The following OPN3 variants were observed in gnomAD, a reference collection of about 807,000 sequenced individuals.
OPN3 encodes opsin-3.
In OPN3, 29 loss-of-function variants were observed where a neutral mutation model predicts 33.8. That is an observed-to-expected ratio of 0.86 (90% CI 0.64 to 1.17). The LOEUF (loss-of-function observed/expected upper bound fraction) is 1.17. Ranked by LOEUF, OPN3 falls within the 50% of genes most tolerant of loss-of-function variation. The probability of loss-of-function intolerance (pLI) is 0.00; values close to 1 mark genes in which losing one functional copy is unlikely to be tolerated. For synonymous variants in OPN3, 216 were observed against 216.1 expected, an observed-to-expected ratio of 1.00 and a Z score of 0.00; for missense variants, 437 against 514.1, an observed-to-expected ratio of 0.85 and a Z score of 1.45.
chr1:241,615,927 C>A (rs1053857260), intron 1 of OPN3: 22 of 456,606 alleles, frequency 4.8e-5, no homozygotes, highest in Non-Finnish European at 7.0e-5. Context: ...CTGAAGCTGG[C>A]TGATCCAACC....
At chr1:241,615,205 T>TAAA (rs56262278) in intron 1 of OPN3, among the ~76,000 whole-genome samples, 2 of 113,982 alleles carry the variant, frequency 1.8e-5, no homozygotes, top group African/African-American at 3.4e-5. Context: ...GGCCAAAGTC[T>TAAA]AAAAAAAAAA....
At chr1:241,596,663 G>T (rs1345498095) in intron 3 of OPN3, among the ~76,000 whole-genome samples, 1 of 152,184 alleles carries the variant, frequency 6.6e-6, no homozygotes, top group Admixed American at 6.5e-5. Flanking sequence ...ATTATGACCT[G>T]TTATCTTTAA....
chr1:241,610,709 G>A (rs568552055), intron 1 of OPN3, among the ~76,000 whole-genome samples: 1 of 152,314 alleles, frequency 6.6e-6, no homozygotes, highest in African/African-American at 2.4e-5. Flanking sequence ...ATAAAACAAT[G>A]TGATAAATTC....
intron 1 of OPN3, among the ~76,000 whole-genome samples, chr1:241,622,197 C>G (rs190581527): frequency 3.9e-5 from 6 of 152,162 alleles, no homozygotes; most frequent in Admixed American, 1.3e-4. Context: ...GGAGTTGAGA[C>G]AAAAATAGAG....
At chr1:241,603,219 T>C (rs1280777740) in intron 2 of OPN3, among the ~76,000 whole-genome samples, 2 of 151,812 alleles carry the variant, frequency 1.3e-5, no homozygotes, top group Non-Finnish European at 2.9e-5. Context: ...GAAGAGAGAG[T>C]CCTAAGAATC....
chr1:241,615,218 A>AT (rs1489282364), intron 1 of OPN3, among the ~76,000 whole-genome samples: 1 of 152,118 alleles, frequency 6.6e-6, no homozygotes, highest in East Asian at 1.9e-4. Flanking sequence ...AAAAAAAAAA[A>AT]AAAAAACAGT....
intron 2 of OPN3, among the ~76,000 whole-genome samples, chr1:241,603,475 T>G (rs931191965): frequency 6.6e-6 from 1 of 151,832 alleles, no homozygotes; most frequent in Non-Finnish European, 1.5e-5. Flanking sequence ...GTGTTTTGTT[T>G]TTTTTTTTCC....
chr1:241,600,187 T>C lies in OPN3; in HGVS notation c.694-2190A>G, dbSNP rs933154132. 5.2e-5 allele frequency among the ~76,000 whole-genome samples: 8 copies of C among 152,384 alleles called. No individual in the cohort carries two copies. The South Asian group carries it at 1.7e-3, about 32-fold the overall frequency. On this transcript the variant is annotated intron_variant, in intron 2 of 3. Transcript: ENST00000366554. ...ATTAATTTAAATAAATGTTTGTCTA[T>C]ACATCCCCAGTTCCTCTTTGGGATA...
chr1:241,635,737 A>G lies in OPN3; in HGVS notation c.373+4145T>C, dbSNP rs3765825. Reference sequence around the variant, plus strand: ...GCAAACCTGTCCCTATTATAACCACATCAAACTCTGTGGGAAGATTGTCCG... The same window carrying G: ...GCAAACCTGTCCCTATTATAACCACGTCAAACTCTGTGGGAAGATTGTCCG... On this transcript the variant is annotated intron_variant, in intron 1 of 3. Transcript: ENST00000366554. 3.8e-4 allele frequency: 611 copies of G among 1,612,174 alleles called. 8 individuals are homozygous for G. In the East Asian group the frequency reaches 0.012, roughly 32 times the overall value.
Position 241,594,042 on chromosome 1 carries a change from A to G in OPN3, c.*386T>C, listed in dbSNP as rs1663417551. The G allele has an allele frequency of 9.9e-6, 2 of 201,164 alleles. No homozygotes were observed. Among genetic ancestry groups the G allele is most frequent in the South Asian group, 2.0e-4 (2 of 10,054 alleles). 12.5% of individuals were successfully genotyped at this position (201,164 alleles called of 1,614,324 possible). On this transcript the variant is annotated 3_prime_UTR_variant, in exon 4 of 4. Transcript: ENST00000366554. ...GTACAAAAAAAATTCAGTATGTTCT[A>G]GCTACTTCACACATGTGTACGCGAC...
At chr1:241,633,713 C>T in intron 1 of OPN3, 2 of 1,422,280 alleles carry the variant, frequency 1.4e-6, no homozygotes, top group Non-Finnish European at 1.9e-6. Context: ...CTTCTAATTA[C>T]TCATATGGGA....
At chr1:241,633,750 G>A in intron 1 of OPN3, 1 of 1,594,676 alleles carries the variant, frequency 6.3e-7, no homozygotes, top group South Asian at 1.1e-5. Context: ...AGAAAATTCT[G>A]ATGCCATGAA....
chr1:241,602,234 G>T (rs920846971), intron 2 of OPN3, among the ~76,000 whole-genome samples: 7 of 152,164 alleles, frequency 4.6e-5, no homozygotes, highest in Non-Finnish European at 1.0e-4. Context: ...GCAGAGAAAG[G>T]CGCCCTAGAA....
In OPN3 at chr1:241,594,321, G is replaced by A; in HGVS notation, c.*107C>T. 8.0e-7 allele frequency: 1 copy of A among 1,245,206 alleles called. No homozygotes were observed. Among genetic ancestry groups the A allele is most frequent in the Non-Finnish European group, 1.1e-6 (1 of 895,162 alleles). 77.1% of individuals were successfully genotyped at this position (1,245,206 alleles called of 1,614,324 possible). A position where few individuals can be genotyped will look rare whatever the true frequency, so the allele number is the denominator to read the frequency against. ...ATTCGGATTTCCTGCTGGACCACAAGGTTCTGTTGATATTACATAGAACGG... is the reference window on the plus strand; with the variant it reads ...ATTCGGATTTCCTGCTGGACCACAAAGTTCTGTTGATATTACATAGAACGG... On this transcript the variant is annotated 3_prime_UTR_variant, in exon 4 of 4. Transcript: ENST00000366554.
chr1:241,640,328 G>C lies in OPN3; in HGVS notation c.-74C>G. On this transcript the variant is annotated 5_prime_UTR_variant, in exon 1 of 4. Coordinates refer to ENST00000366554, the MANE Select transcript of OPN3 (RefSeq NM_014322.3). ...GGGCTCGCGGCGCGCTCCGCACTGG[G>C]TGGGGTTGGGGCTCCGCCGCCTGCT... The C allele has an allele frequency of 9.2e-7, 1 of 1,085,402 alleles. No individual in the cohort carries two copies. Among genetic ancestry groups the C allele is most frequent in the Non-Finnish European group, 1.1e-6 (1 of 897,718 alleles). 67.2% of individuals were successfully genotyped at this position (1,085,402 alleles called of 1,614,324 possible).
chr1:241,624,921 G>C (rs1176401545), intron 1 of OPN3, among the ~76,000 whole-genome samples: 1 of 152,122 alleles, frequency 6.6e-6, no homozygotes. Context: ...TTACCCATCT[G>C]CAAATGGGGA....
At chr1:241,603,023 T>C (rs1363238025) in intron 2 of OPN3, among the ~76,000 whole-genome samples, 1 of 152,012 alleles carries the variant, frequency 6.6e-6, no homozygotes, top group Non-Finnish European at 1.5e-5. Context: ...GAGTAGATTG[T>C]GATTAAAAAC....
chr1:241,618,031 A>C (rs1664180991), intron 1 of OPN3, among the ~76,000 whole-genome samples: 1 of 152,162 alleles, frequency 6.6e-6, no homozygotes, highest in Admixed American at 6.5e-5. Context: ...AAAAATAAAA[A>C]AAAGAAGGTG....
intron 1 of OPN3, among the ~76,000 whole-genome samples, chr1:241,605,011 G>A (rs999810285): frequency 1.3e-5 from 2 of 150,322 alleles, no homozygotes; most frequent in African/African-American, 2.4e-5. Context: ...AGCTGAGATT[G>A]CGCCACTGCA....
Sources: gnomAD v4.1 joint callset for allele counts (sites outside exome capture counted in the v4.1 genomes callset) on GRCh38, gnomAD v4.1.1 for gene constraint, MANE v1.5 for transcripts, NCBI Gene and HGNC (gene_info 2026-07-23, HGNC 2026-07-21) for gene names.